SPEN: variants seen among roughly 807,000 people sequenced by gnomAD.
The protein encoded by SPEN is spen family transcriptional repressor, also known as msx2-interacting protein.
A neutral mutation model predicts 269.9 loss-of-function variants in SPEN; 18 were observed. The ratio of observed to expected loss-of-function variants is 0.07; its 90% CI spans 0.05 to 0.10. The LOEUF is 0.10. Ranked by LOEUF, SPEN falls within the 10% of genes least tolerant of loss-of-function variation. The probability of loss-of-function intolerance (pLI) is 1.00; values close to 1 mark genes in which losing one functional copy is unlikely to be tolerated. For missense variants in SPEN, 3,822 were observed against 4,631.2 expected (o/e 0.83, Z 5.07); for synonymous variants, 1,726 against 1,765.7 (o/e 0.98, Z 0.56).
intron 1 of SPEN, among the ~76,000 whole-genome samples, chr1:15,852,203 G>A (rs1336551175): frequency 6.6e-6 from 1 of 152,018 alleles, no homozygotes; most frequent in South Asian, 2.1e-4. Flanking sequence ...ACTCACTGTA[G>A]CCTGTATCAT....
Position 15,933,732 on chromosome 1 carries a change from G to C in SPEN, c.7492G>C (p.Val2498Leu), listed in dbSNP as rs762917463. ...GIPHQSPPTK[V>L]TEWITRQEEP... is the part of the protein sequence containing the mutation. ...CCCACACCAGAGCCCCCCTACTAAG[G>C]TGACAGAGTGGATCACAAGGCAGGA... is the stretch of plus-strand genomic sequence containing the variant. The change falls in exon 11 of 15, where the codon GTG becomes CTG. Residue 2498 changes from valine to leucine, a missense_variant. Physicochemically the swap from Val to Leu is conservative, Grantham distance 32. This residue lies in a region of SPEN where 727 missense variants were observed against 737.9 expected (regional missense o/e 0.99). Coordinates refer to ENST00000375759, the MANE Select transcript of SPEN (RefSeq NM_015001.3). The surrounding 1 kb of genome is among the most constrained non-coding windows in gnomAD (Gnocchi z 5.7). 2 of 1,614,130 alleles carry C rather than the reference G, an allele frequency of 1.2e-6. No homozygotes were observed. The highest frequency in any genetic ancestry group is 3.3e-5 in the Admixed American group (2 of 60,020).
chr1:15,934,949 G>C lies in SPEN; in HGVS notation c.8709G>C (p.Lys2903Asn), dbSNP rs2071259786. 6.2e-7 allele frequency: 1 copy of C among 1,613,926 alleles called. No homozygotes were observed. The highest frequency in any genetic ancestry group is 8.5e-7 in the Non-Finnish European group (1 of 1,180,028). Residue 2903 changes from lysine to asparagine, a missense_variant, in exon 11 of 15, where the codon AAG becomes AAC. Coordinates refer to ENST00000375759, the MANE Select transcript of SPEN (RefSeq NM_015001.3). The surrounding 1 kb of genome is among the most constrained non-coding windows in gnomAD (Gnocchi z 9.2). ...YNASPVISSV[K>N]ADRPSLEKPE... ...CCTCTCCTGTGATTTCGTCTGTGAA[G>C]GCCGATAGGCCATCCTTGGAGAAGC...
Position 15,932,644 on chromosome 1 carries a change from C to T in SPEN, c.6404C>T (p.Ser2135Phe). Reference sequence around the variant, plus strand: ...CCCCAAAAGGAGGATGGTTTATCATCCCAGTTGAAAAGTGATCCAGTTGAT... The same window carrying T: ...CCCCAAAAGGAGGATGGTTTATCATTCCAGTTGAAAAGTGATCCAGTTGAT... Reference protein sequence around the residue: ...ESPQKEDGLSSQLKSDPVDPD... With the variant: ...ESPQKEDGLSFQLKSDPVDPD... The change falls in exon 11 of 15, where the codon TCC becomes TTC. Residue 2135 changes from serine (S) to phenylalanine (F), a missense_variant. This residue lies in a region of SPEN where 727 missense variants were observed against 737.9 expected (regional missense o/e 0.99). Transcript: ENST00000375759. This position sits in a 1 kb window ranked among gnomAD's most constrained non-coding sequence, Gnocchi z 4.2. The T allele has an allele frequency of 6.2e-7, 1 of 1,612,460 alleles. No homozygotes were observed. The highest frequency in any genetic ancestry group is 8.5e-7 in the Non-Finnish European group (1 of 1,178,968).
At chr1:15,915,980 G>A in intron 5 of SPEN, 148 bp from the exon 6 acceptor site, 1 of 850,110 alleles carries the variant, frequency 1.2e-6, no homozygotes, top group Non-Finnish European at 1.7e-6. Context: ...GGCTATTTCT[G>A]AAGGTGTTTA....
chr1:15,868,971 G>A (rs1186284764), intron 1 of SPEN, among the ~76,000 whole-genome samples: 1 of 152,082 alleles, frequency 6.6e-6, no homozygotes, highest in East Asian at 1.9e-4. Flanking sequence ...TGAAATATGG[G>A]GATATCAGTA....
intron 14 of SPEN, 27 bp downstream of exon 14, chr1:15,938,903 C>T: frequency 6.2e-7 from 1 of 1,606,600 alleles, no homozygotes; most frequent in Non-Finnish European, 8.5e-7. Context: ...CCTTCCTTCA[C>T]ATGTACACCC....
At chr1:15,881,949 GT>G (rs1182166419) in intron 3 of SPEN, among the ~76,000 whole-genome samples, 2 of 152,190 alleles carry the variant, frequency 1.3e-5, no homozygotes, top group Non-Finnish European at 2.9e-5. Flanking sequence ...ATGGAAACAA[GT>G]TTGTCTTCTG....
rs1440008576 is a variant in SPEN, at chr1:15,931,945, G to A, written c.5705G>A (p.Arg1902Gln). 14 of 1,614,036 alleles carry A rather than the reference G, an allele frequency of 8.7e-6. No individual in the cohort carries two copies. The highest frequency in any genetic ancestry group is 5.0e-5 in the Admixed American group (3 of 59,998). Residue 1902 changes from arginine to glutamine, a missense_variant, in exon 11 of 15, where the codon CGG (arginine) becomes CAG (glutamine). Arg to Gln is a conservative substitution (Grantham distance 43, BLOSUM62 1). This residue lies in a region of SPEN where 533 missense variants were observed against 618.8 expected (regional missense o/e 0.86). Coordinates refer to ENST00000375759, the MANE Select transcript of SPEN (RefSeq NM_015001.3). The surrounding 1 kb of genome is among the most constrained non-coding windows in gnomAD (Gnocchi z 4.8). ...TTGCCTCTCAGCCGAACAAGGCGCCGGAATGTAAGGAGCGTCTATGCAACC... is the reference window on the plus strand; with the variant it reads ...TTGCCTCTCAGCCGAACAAGGCGCCAGAATGTAAGGAGCGTCTATGCAACC... ...PSLPLSRTRR[R>Q]NVRSVYATMG...
In SPEN at chr1:15,933,759, G is replaced by C. The variant is rs774148564; in HGVS notation, c.7519G>C (p.Glu2507Gln). The C allele has an allele frequency of 3.1e-6, 5 of 1,613,904 alleles. No individual in the cohort carries two copies. The East Asian group carries it at 8.9e-5, about 29-fold the overall frequency. ...GACAGAGTGGATCACAAGGCAGGAG[G>C]AGCCACGGGCTCAGTCTACTCCATC... Reference protein sequence around the residue: ...KVTEWITRQEEPRAQSTPSPA... With the variant: ...KVTEWITRQEQPRAQSTPSPA... The change falls in exon 11 of 15, where the codon GAG becomes CAG. Residue 2507 changes from glutamate (E) to glutamine (Q), a missense_variant. Physicochemically the swap from Glu to Gln is conservative, Grantham distance 29. Around this residue, in one of 16 missense-constraint regions of SPEN, gnomAD observed 727 missense variants for 737.9 expected, o/e 0.99. Coordinates refer to ENST00000375759, the MANE Select transcript of SPEN (RefSeq NM_015001.3). This position sits in a 1 kb window ranked among gnomAD's most constrained non-coding sequence, Gnocchi z 5.7.
chr1:15,938,606 T>A, intron 13 of SPEN, 112 bp from the exon 14 acceptor site: 1 of 646,518 alleles, frequency 1.5e-6, no homozygotes, highest in Non-Finnish European at 2.3e-6. Flanking sequence ...CAGGGTAGCC[T>A]TTAAAGTCAT....
chr1:15,932,327 A>G lies in SPEN; in HGVS notation c.6087A>G (p.Glu2029=). The G allele has an allele frequency of 5.0e-6, 8 of 1,613,372 alleles. No homozygotes were observed. The highest frequency in any genetic ancestry group is 6.8e-6 in the Non-Finnish European group (8 of 1,179,772). Residue 2029 remains glutamate (E), a synonymous_variant, in exon 11 of 15, where the codon GAA becomes GAG. Transcript: ENST00000375759. The surrounding 1 kb of genome is among the most constrained non-coding windows in gnomAD (Gnocchi z 4.2). ...PQIGVKESSM[E]PKAAEEEAGS... Reference sequence around the variant, plus strand: ...TAGGCGTGAAAGAGAGCTCCATGGAACCCAAGGCTGCTGAGGAGGAGGCAG... The same window carrying G: ...TAGGCGTGAAAGAGAGCTCCATGGAGCCCAAGGCTGCTGAGGAGGAGGCAG...
At chr1:15,883,893 T>TC (rs1351075046) in intron 3 of SPEN, among the ~76,000 whole-genome samples, 1 of 146,790 alleles carries the variant, frequency 6.8e-6, no homozygotes, top group Non-Finnish European at 1.5e-5. Flanking sequence ...CACTGCAAGC[T>TC]CCGCCTCCTG....
intron 3 of SPEN, among the ~76,000 whole-genome samples, chr1:15,884,943 C>T (rs2070722441): frequency 1.3e-5 from 2 of 152,030 alleles, no homozygotes; most frequent in Non-Finnish European, 2.9e-5. Flanking sequence ...ACCACCCAGG[C>T]TAGTTTCAAA....
intron 3 of SPEN, among the ~76,000 whole-genome samples, chr1:15,877,768 G>A (rs1212606587): frequency 7.6e-6 from 1 of 131,048 alleles, no homozygotes; most frequent in East Asian, 2.3e-4. Context: ...TTTTGAGATG[G>A]AGTCTCGCTC....
At chr1:15,866,644 C>T (rs1454319846) in intron 1 of SPEN, among the ~76,000 whole-genome samples, 4 of 152,160 alleles carry the variant, frequency 2.6e-5, no homozygotes, top group African/African-American at 7.2e-5. Flanking sequence ...TGAGCCACCG[C>T]GCCCGGCTGG....
intron 3 of SPEN, among the ~76,000 whole-genome samples, chr1:15,898,558 C>CT (rs375319827): frequency 0.24 from 31,933 of 131,946 alleles, 4,635 homozygotes; most frequent in South Asian, 0.41. Context: ...TTCTTTTTTT[C>CT]TTTTTTTTTT....
chr1:15,859,357 TC>T (rs1220628930), intron 1 of SPEN, among the ~76,000 whole-genome samples: 8 of 117,050 alleles, frequency 6.8e-5, no homozygotes, highest in African/African-American at 2.7e-4. Context: ...CTTTTTCTTT[TC>T]TTTTTTTTTT....
intron 1 of SPEN, among the ~76,000 whole-genome samples, chr1:15,872,454 G>T (rs566626612): frequency 6.6e-5 from 10 of 152,036 alleles, no homozygotes; most frequent in African/African-American, 2.2e-4. Context: ...CAAAAAATTA[G>T]CCTGTCGTTG....
At chr1:15,910,628 T>G (rs1012206821) in intron 4 of SPEN, among the ~76,000 whole-genome samples, 16 of 118,314 alleles carry the variant, frequency 1.4e-4, no homozygotes, top group Non-Finnish European at 2.2e-4. Context: ...CTGTTTTTTG[T>G]TTTTTTTTTT....
Sources: allele counts gnomAD v4.1 joint callset (sites outside exome capture counted in the v4.1 genomes callset), GRCh38; gene constraint gnomAD v4.1.1; regional missense constraint gnomAD v4.1.1; non-coding constraint Gnocchi (gnomAD v3.1); transcripts MANE v1.5; gene names NCBI Gene and HGNC (gene_info 2026-07-23, HGNC 2026-07-21).